KIAA0232: variants seen among roughly 807,000 people sequenced by gnomAD.
The protein encoded by KIAA0232 is uncharacterized protein KIAA0232.
KIAA0232 carries 27 observed loss-of-function variants against 122.0 expected under a neutral mutation model. The ratio of observed to expected loss-of-function variants is 0.22; its 90% CI spans 0.16 to 0.31. The LOEUF is 0.31. KIAA0232 is among the 10% of genes least tolerant of loss of function. KIAA0232 has a pLI of 1.00. For synonymous variants in KIAA0232, 613 were observed against 587.6 expected, an observed-to-expected ratio of 1.04 and a Z score of -0.63; for missense variants, 1,551 against 1,634.2, an observed-to-expected ratio of 0.95 and a Z score of 0.88.
intron 1 of KIAA0232, among the ~76,000 whole-genome samples, chr4:6,796,080 G>C (rs948399082): frequency 6.6e-6 from 1 of 152,172 alleles, no homozygotes; most frequent in South Asian, 2.1e-4. Context: ...TGGTTTGTGC[G>C]TAAGTGAGCT....
Position 6,824,367 on chromosome 4 carries a change from A to T in KIAA0232, c.-87A>T. On this transcript the variant is annotated 5_prime_UTR_variant, in exon 3 of 10. Coordinates refer to ENST00000307659, the MANE Select transcript of KIAA0232 (RefSeq NM_014743.3). The stretch of plus-strand genomic sequence containing the variant: ...TACATGTCAAGCATCTCTACTTTTT[A>T]CTGGAGTGAAAATCCCCTCCAGATA... 1 of 1,075,224 alleles carries T rather than the reference A, an allele frequency of 9.3e-7. No individual in the cohort carries two copies. The highest frequency in any genetic ancestry group is 1.4e-6 in the Non-Finnish European group (1 of 692,266). 66.6% of individuals were successfully genotyped at this position (1,075,224 alleles called of 1,614,324 possible). A position where few individuals can be genotyped will look rare whatever the true frequency, so the allele number is the denominator to read the frequency against.
At chr4:6,840,775 C>T (rs879737641) in intron 3 of KIAA0232, among the ~76,000 whole-genome samples, 2 of 151,180 alleles carry the variant, frequency 1.3e-5, no homozygotes, top group East Asian at 1.9e-4. Flanking sequence ...ACCTCTGCCT[C>T]CCAAAGTGCT....
chr4:6,863,645 G>C lies in KIAA0232; in HGVS notation c.3263G>C (p.Arg1088Thr), dbSNP rs370516887. 1.3e-5 allele frequency: 21 copies of C among 1,613,994 alleles called. No homozygotes were observed. The highest frequency in any genetic ancestry group is 3.4e-6 in the Non-Finnish European group (4 of 1,180,028). The change falls in exon 7 of 10, where the codon AGG becomes ACG. Residue 1088 changes from arginine (R) to threonine (T), a missense_variant. This residue lies in a region of KIAA0232 where 1,108 missense variants were observed against 1,154.8 expected (regional missense o/e 0.96). Transcript: ENST00000307659. Reference sequence around the variant, plus strand: ...TCAGACAGTGAAGTGTTTCACCCCAGGATATGTGGTGTTGACAGAACACAA... The same window carrying C: ...TCAGACAGTGAAGTGTTTCACCCCACGATATGTGGTGTTGACAGAACACAA... ...SDSDSEVFHP[R>T]ICGVDRTQYR...
At position 6,790,257 on chromosome 4, in the gene KIAA0232, G is replaced by T. The variant is rs528084265; in HGVS notation, c.-354+7416G>T. On this transcript the variant is annotated intron_variant, in intron 1 of 9. Coordinates refer to ENST00000307659, the MANE Select transcript of KIAA0232 (RefSeq NM_014743.3). ...TTTCTCCATATCTGTCTCTTCCTCA[G>T]TGTTGCCCCTGGTTGAATAGGGAGA... is the stretch of plus-strand genomic sequence containing the variant. Among the ~76,000 whole-genome samples, 325 of 151,596 alleles carry T rather than the reference G, an allele frequency of 2.1e-3. 1 individual carries two copies. Among genetic ancestry groups the T allele is most frequent in the Non-Finnish European group, 3.2e-3 (219 of 67,940 alleles).
intron 3 of KIAA0232, among the ~76,000 whole-genome samples, chr4:6,841,675 T>C (rs1719669884): frequency 6.6e-6 from 1 of 152,082 alleles, no homozygotes; most frequent in African/African-American, 2.4e-5. Flanking sequence ...GAGAAAATCC[T>C]AAGGAATGAA....
intron 8 of KIAA0232, among the ~76,000 whole-genome samples, chr4:6,876,110 C>CT (rs1324242252): frequency 6.6e-6 from 1 of 152,200 alleles, no homozygotes; most frequent in Non-Finnish European, 1.5e-5. Flanking sequence ...GATGGAATCG[C>CT]TAGCACCATT....
intron 3 of KIAA0232, among the ~76,000 whole-genome samples, chr4:6,826,914 C>G (rs557908673): frequency 6.6e-6 from 1 of 151,500 alleles, no homozygotes; most frequent in African/African-American, 2.4e-5. Context: ...TGTGAATCCT[C>G]TGGTTTCTTT....
intron 3 of KIAA0232, among the ~76,000 whole-genome samples, chr4:6,837,827 TCAGG>T (rs1719406927): frequency 2.0e-5 from 3 of 151,030 alleles, no homozygotes; most frequent in African/African-American, 7.3e-5. Context: ...GGCAGGAGAA[TCAGG>T]CAGGGAGGTT....
At position 6,844,220 on chromosome 4, in the gene KIAA0232, G is replaced by T. The variant is rs142970068; in HGVS notation, c.369+2016G>T. On this transcript the variant is annotated intron_variant, in intron 4 of 9. Coordinates refer to ENST00000307659, the MANE Select transcript of KIAA0232 (RefSeq NM_014743.3). The stretch of plus-strand genomic sequence containing the variant: ...CTCCCAAAGTGCTGGGATTACAGGC[G>T]TGAGCCACCGCACCCGACCAAGTTA... 6.5e-3 allele frequency among the ~76,000 whole-genome samples: 991 copies of T among 151,760 alleles called. 6 individuals carry two copies. The highest frequency in any genetic ancestry group is 0.01 in the Non-Finnish European group (700 of 67,892).
chr4:6,822,536 A>G (rs540091622), intron 2 of KIAA0232, among the ~76,000 whole-genome samples: 18 of 152,252 alleles, frequency 1.2e-4, no homozygotes, highest in African/African-American at 3.4e-4. Context: ...AATTCATGCA[A>G]AAGTTGAGTT....
intron 2 of KIAA0232, among the ~76,000 whole-genome samples, chr4:6,817,689 G>A (rs1044716707): frequency 1.3e-5 from 2 of 152,270 alleles, no homozygotes; most frequent in East Asian, 3.9e-4. Context: ...CTTAGGTCAA[G>A]TTGGTTAATA....
At chr4:6,866,379 C>A (rs920583533) in intron 7 of KIAA0232, 2 of 188,094 alleles carry the variant, frequency 1.1e-5, no homozygotes, top group Non-Finnish European at 2.0e-5. Flanking sequence ...ATGTTGTCAG[C>A]ACTGCTCTCT....
chr4:6,866,479 C>T (rs1721188930), intron 7 of KIAA0232, among the ~76,000 whole-genome samples: 1 of 152,138 alleles, frequency 6.6e-6, no homozygotes, highest in Admixed American at 6.5e-5. Flanking sequence ...CCTGAAGGGA[C>T]AGTTTGGGGC....
intron 2 of KIAA0232, among the ~76,000 whole-genome samples, chr4:6,807,428 A>G (rs1560167073): frequency 6.6e-6 from 1 of 152,284 alleles, no homozygotes; most frequent in East Asian, 1.9e-4. Context: ...CTCAATCTTT[A>G]TGCAGTTTTT....
intron 2 of KIAA0232, among the ~76,000 whole-genome samples, chr4:6,821,588 G>GTA (rs1288971991): frequency 2.6e-5 from 4 of 151,738 alleles, no homozygotes; most frequent in Non-Finnish European, 4.4e-5. Context: ...AGTCCATGGT[G>GTA]TATATATATA....
At chr4:6,798,816 T>A (rs544461480) in intron 1 of KIAA0232, among the ~76,000 whole-genome samples, 1 of 152,306 alleles carries the variant, frequency 6.6e-6, no homozygotes, top group Non-Finnish European at 1.5e-5. Context: ...CCTCCCAAAG[T>A]GCTGGGATTA....
At chr4:6,790,884 A>G (rs939546855) in intron 1 of KIAA0232, among the ~76,000 whole-genome samples, 10 of 145,556 alleles carry the variant, frequency 6.9e-5, no homozygotes, top group Non-Finnish European at 3.0e-5. Context: ...TTTTGCCAGT[A>G]CCATCTGAAG....
rs529656824 is a variant in KIAA0232, at chr4:6,833,888, A to C, written c.232-8179A>C. On this transcript the variant is annotated intron_variant, in intron 3 of 9. Transcript: ENST00000307659. ...TTAATACCACCTTGACTTTTATCCC[A>C]AGTGACTTTCAGACCTGCAGTCTCC... 4.6e-5 allele frequency among the ~76,000 whole-genome samples: 7 copies of C among 152,264 alleles called. No homozygotes were observed. In the East Asian group the frequency reaches 1.4e-3, roughly 29 times the overall value.
intron 1 of KIAA0232, among the ~76,000 whole-genome samples, chr4:6,803,051 C>T (rs1054583919): frequency 4.1e-5 from 6 of 145,992 alleles, no homozygotes; most frequent in African/African-American, 1.3e-4. Flanking sequence ...TTGGTGGGTG[C>T]ATGCTTGTGG....
Sources: allele counts gnomAD v4.1 joint callset (sites outside exome capture counted in the v4.1 genomes callset), GRCh38; gene constraint gnomAD v4.1.1; regional missense constraint gnomAD v4.1.1; transcripts MANE v1.5; gene names NCBI Gene and HGNC (gene_info 2026-07-23, HGNC 2026-07-21).